The following TRA2B variants were observed in gnomAD, a reference collection of about 807,000 sequenced individuals.
The protein encoded by TRA2B is transformer 2 beta homolog, also known as transformer-2 protein homolog beta.
In TRA2B, 14 loss-of-function variants were observed where a neutral mutation model predicts 41.7. The ratio of observed to expected loss-of-function variants is 0.34; its 90% CI spans 0.22 to 0.53. The LOEUF (loss-of-function observed/expected upper bound fraction) is 0.53. Ranked by LOEUF, TRA2B falls within the 20% of genes least tolerant of loss-of-function variation. TRA2B has a pLI of 0.95. For missense variants in TRA2B, 167 were observed against 396.8 expected, an observed-to-expected ratio of 0.42 and a Z score of 4.92; for synonymous variants, 130 against 128.8, an observed-to-expected ratio of 1.01 and a Z score of -0.06.
chr3:185,916,667 G>C lies in TRA2B; in HGVS notation c.*1048C>G, dbSNP rs1743511449. The stretch of plus-strand genomic sequence containing the variant: ...TACACCTCAGCCCAAGGAACACACT[G>C]CCCTAACGATTAAACTACAGAAGAA... On this transcript the variant is annotated 3_prime_UTR_variant, in exon 9 of 9. Transcript: ENST00000453386. 6.6e-6 allele frequency: 1 copy of C among 152,458 alleles called. No homozygotes were observed. Among genetic ancestry groups the C allele is most frequent in the African/African-American group, 2.4e-5 (1 of 41,378 alleles). 9.4% of individuals were successfully genotyped at this position (152,458 alleles called of 1,614,324 possible).
intron 1 of TRA2B, chr3:185,935,464 C>T (rs999367429): frequency 1.0e-6 from 1 of 985,220 alleles, no homozygotes; most frequent in African/African-American, 1.7e-5. Flanking sequence ...TAATTTATCC[C>T]ACACACCCAA....
At chr3:185,935,797 A>T (rs1448568099) in intron 1 of TRA2B, 1 of 985,274 alleles carries the variant, frequency 1.0e-6, no homozygotes, top group Admixed American at 6.2e-5. Flanking sequence ...AAAGGTTCCA[A>T]TTGGAACACA....
chr3:185,928,204 A>G (rs1744023421), intron 1 of TRA2B: 1 of 152,208 alleles, frequency 6.6e-6, no homozygotes, highest in African/African-American at 2.4e-5. Flanking sequence ...AACATTTATA[A>G]TGTAACACAG....
chr3:185,924,751 G>A (rs1743878861), intron 3 of TRA2B: 1 of 152,370 alleles, frequency 6.6e-6, no homozygotes, highest in African/African-American at 2.4e-5. Flanking sequence ...GGTAGAAGCT[G>A]CAGTAAGCTG....
chr3:185,920,704 C>T (rs574117428), intron 6 of TRA2B, among the ~76,000 whole-genome samples: 12 of 152,198 alleles, frequency 7.9e-5, no homozygotes, highest in South Asian at 2.1e-4. Context: ...CCACCACAAC[C>T]GGCTAAATTT....
At chr3:185,935,742 T>C (rs1578489476) in intron 1 of TRA2B, 1 of 985,324 alleles carries the variant, frequency 1.0e-6, no homozygotes, top group African/African-American at 1.7e-5. Context: ...CAAGCTTGCT[T>C]TGGAAGCCTA....
chr3:185,937,958 GC>G lies in TRA2B; in HGVS notation c.-99del. On this transcript the variant is annotated 5_prime_UTR_variant, in exon 1 of 9. Coordinates refer to ENST00000453386, the MANE Select transcript of TRA2B (RefSeq NM_004593.3). ...GCTCCGCCGCAGCCCCGCACGACGC[GC>G]CGGTCGCCCAGCCGCTCAGAGCCGA... 6.8e-7 allele frequency: 1 copy of G among 1,476,706 alleles called. No individual in the cohort carries two copies. Among genetic ancestry groups the G allele is most frequent in the South Asian group, 1.2e-5 (1 of 86,624 alleles). The allele number at this position is 1,476,706 out of a possible 1,614,324, so 91.5% of individuals were successfully genotyped here. A position where few individuals can be genotyped will look rare whatever the true frequency, so the allele number is the denominator to read the frequency against.
intron 3 of TRA2B, chr3:185,925,064 C>T (rs1210526468): frequency 6.5e-6 from 1 of 154,090 alleles, no homozygotes; most frequent in African/African-American, 2.4e-5. Context: ...AATGCCTTAA[C>T]AACACCCAAA....
intron 1 of TRA2B, chr3:185,928,587 GT>G (rs1228893160): frequency 3.3e-5 from 5 of 152,162 alleles, no homozygotes; most frequent in African/African-American, 1.2e-4. Flanking sequence ...TGAGGGTGTA[GT>G]TTTTGCTATT....
intron 1 of TRA2B, among the ~76,000 whole-genome samples, chr3:185,932,785 T>TA (rs1744198410): frequency 6.6e-6 from 1 of 152,198 alleles, no homozygotes; most frequent in Non-Finnish European, 1.5e-5. Flanking sequence ...CTTGTTATCC[T>TA]ACATTTCACT....
At position 185,917,173 on chromosome 3, in the gene TRA2B, C is replaced by CA. The variant is rs1743531365; in HGVS notation, c.*541dup. 1 of 152,368 alleles carries CA rather than the reference C, an allele frequency of 6.6e-6. No individual in the cohort carries two copies. The highest frequency in any genetic ancestry group is 1.9e-4 in the East Asian group (1 of 5,206). 9.4% of individuals were successfully genotyped at this position (152,368 alleles called of 1,614,324 possible). A position where few individuals can be genotyped will look rare whatever the true frequency, so the allele number is the denominator to read the frequency against. On this transcript the variant is annotated 3_prime_UTR_variant, in exon 9 of 9. Transcript: ENST00000453386. ...TTAAGATTTTTAGTTCTAATACTAG[C>CA]AGTACAGAGTTACAGAGCATAATTT...
At chr3:185,933,043 C>T (rs1326438493) in intron 1 of TRA2B, among the ~76,000 whole-genome samples, 1 of 152,072 alleles carries the variant, frequency 6.6e-6, no homozygotes, top group South Asian at 2.1e-4. Context: ...AAGGGAGTTA[C>T]AGTAATTGGC....
At chr3:185,935,431 C>T (rs1328714335) in intron 1 of TRA2B, 1 of 985,194 alleles carries the variant, frequency 1.0e-6, no homozygotes, top group African/African-American at 1.7e-5. Flanking sequence ...CAAATGTATT[C>T]TATTGAGTGA....
At position 185,914,838 on chromosome 3, in the gene TRA2B, A is replaced by C. The variant is rs901780020; in HGVS notation, c.*2877T>G. 6.6e-6 allele frequency among the ~76,000 whole-genome samples: 1 copy of C among 151,662 alleles called. No individual in the cohort carries two copies. The highest frequency in any genetic ancestry group is 1.5e-5 in the Non-Finnish European group (1 of 67,894). ...ACAGAAATTTTGATAATGCAAACCA[A>C]ATCTTTTTATTTCTTCTCGGTGAAA... is the stretch of plus-strand genomic sequence containing the variant. On this transcript the variant is annotated 3_prime_UTR_variant, in exon 9 of 9. Coordinates refer to ENST00000453386, the MANE Select transcript of TRA2B (RefSeq NM_004593.3).
In TRA2B at chr3:185,914,688, G is replaced by A. The variant is rs1054781159; in HGVS notation, c.*3027C>T. On this transcript the variant is annotated 3_prime_UTR_variant, in exon 9 of 9. Coordinates refer to ENST00000453386, the MANE Select transcript of TRA2B (RefSeq NM_004593.3). ...TTTTGATGACATTTGGCATAAGCTA[G>A]CATTAAGTCCAATCCTACAAGAGCC... Among the ~76,000 whole-genome samples the A allele has an allele frequency of 6.6e-6, 1 of 152,082 alleles. No individual in the cohort carries two copies. Among genetic ancestry groups the A allele is most frequent in the African/African-American group, 2.4e-5 (1 of 41,410 alleles).
Position 185,917,543 on chromosome 3 carries a change from A to G in TRA2B, c.*172T>C, listed in dbSNP as rs936078927. On this transcript the variant is annotated 3_prime_UTR_variant, in exon 9 of 9. Coordinates refer to ENST00000453386, the MANE Select transcript of TRA2B (RefSeq NM_004593.3). ...CTTGGAACAAAGCACCAAACTACAC[A>G]AATGCAGAATGAAAACAGCATTTCA... 2 of 591,992 alleles carry G rather than the reference A, an allele frequency of 3.4e-6. No homozygotes were observed. Among genetic ancestry groups the G allele is most frequent in the Admixed American group, 3.6e-5 (1 of 27,416 alleles). 36.7% of individuals were successfully genotyped at this position (591,992 alleles called of 1,614,324 possible). A position where few individuals can be genotyped will look rare whatever the true frequency, so the allele number is the denominator to read the frequency against.
intron 1 of TRA2B, chr3:185,935,141 A>T: frequency 2.0e-6 from 2 of 985,420 alleles, no homozygotes; most frequent in Non-Finnish European, 2.4e-6. Context: ...TGTAATTGTG[A>T]CTTAAAGGCC....
intron 5 of TRA2B, among the ~76,000 whole-genome samples, chr3:185,921,727 G>A (rs1405331301): frequency 2.0e-5 from 3 of 152,118 alleles, no homozygotes; most frequent in East Asian, 3.9e-4. Context: ...TTGCACCATC[G>A]CACTCCAGCC....
chr3:185,914,940 A>G lies in TRA2B; in HGVS notation c.*2775T>C, dbSNP rs1037159684. Among the ~76,000 whole-genome samples, 2 of 152,168 alleles carry G rather than the reference A, an allele frequency of 1.3e-5. No homozygotes were observed. Among genetic ancestry groups the G allele is most frequent in the Non-Finnish European group, 2.9e-5 (2 of 68,024 alleles). On this transcript the variant is annotated 3_prime_UTR_variant, in exon 9 of 9. Transcript: ENST00000453386. ...CAATGGTGTAAGAGGGCTAAGAGCT[A>G]TTAGTTTTATCTTAAGGCATATATT...
Sources: allele counts gnomAD v4.1 joint callset (sites outside exome capture counted in the v4.1 genomes callset), GRCh38; gene constraint gnomAD v4.1.1; transcripts MANE v1.5; gene names NCBI Gene and HGNC (gene_info 2026-07-23, HGNC 2026-07-21).